The following NRK variants were observed in gnomAD, a reference collection of about 807,000 sequenced individuals.
The protein encoded by NRK is nik-related protein kinase.
Under a neutral mutation model 125.2 loss-of-function variants are expected in NRK, and 67 were observed. The observed-to-expected ratio is 0.54, with a 90% CI of 0.44 to 0.66. The LOEUF is 0.66. Ranked by LOEUF, NRK falls within the 30% of genes least tolerant of loss-of-function variation. The probability of loss-of-function intolerance (pLI) is 0.00; values close to 1 mark genes in which losing one functional copy is unlikely to be tolerated. For synonymous variants in NRK, 458 were observed against 429.0 expected, an observed-to-expected ratio of 1.07 and a Z score of -0.84; for missense variants, 1,224 against 1,192.9, an observed-to-expected ratio of 1.03 and a Z score of -0.38.
In NRK at chrX:105,870,311, G is replaced by A. The variant is rs747326876; in HGVS notation, c.124-9888G>A. Among the ~76,000 whole-genome samples the A allele has an allele frequency of 4.5e-5, 5 of 111,444 alleles. No homozygotes were observed. In the South Asian group the frequency reaches 1.9e-3, roughly 42 times the overall value. The stretch of plus-strand genomic sequence containing the variant: ...TATCAGAGGGTTTGAAATAGTGTGG[G>A]CCCTAGTCTCATGGAGTTCCTATGT... On this transcript the variant is annotated intron_variant, in intron 2 of 28. Coordinates refer to ENST00000243300, the MANE Select transcript of NRK (RefSeq NM_198465.4).
At chrX:105,894,515 A>G (rs1263807887) in intron 6 of NRK, among the ~76,000 whole-genome samples, 7 of 112,119 alleles carry the variant, frequency 6.2e-5, no homozygotes, top group Non-Finnish European at 1.3e-4. Context: ...ATTGAACAGT[A>G]CTACTCATAC....
At chrX:105,902,258 C>T (rs945933930) in intron 9 of NRK, among the ~76,000 whole-genome samples, 5 of 111,253 alleles carry the variant, frequency 4.5e-5, no homozygotes, top group African/African-American at 1.6e-4. Flanking sequence ...AGATTTGGAA[C>T]TCACAAAGGG....
At chrX:105,947,502 A>G (rs1324086632) in intron 26 of NRK, among the ~76,000 whole-genome samples, 1 of 110,873 alleles carries the variant, frequency 9.0e-6, no homozygotes, top group Non-Finnish European at 1.9e-5. Flanking sequence ...ATAGATTGTC[A>G]TAAAAATATT....
chrX:105,927,544 T>C (rs1432311086), intron 19 of NRK, among the ~76,000 whole-genome samples: 1 of 111,478 alleles, frequency 9.0e-6, no homozygotes, highest in Non-Finnish European at 1.9e-5. Context: ...GTGGATATTT[T>C]TGTCTTATTC....
In NRK at chrX:105,893,867, T is replaced by A. The variant is rs189014779; in HGVS notation, c.414T>A (p.Thr138=). The change falls in exon 6 of 29, where the codon ACT becomes ACA. Residue 138 remains threonine, a synonymous_variant. Transcript: ENST00000243300. ...VMELCAAGSV[T]DVVRMTSNQS... ...AGTTATGTGCAGCAGGTTCGGTCAC[T>A]GATGTAGTGAGAATGACCAGTAATC... 8.3e-7 allele frequency: 1 copy of A among 1,200,553 alleles called. No homozygotes were observed. Among genetic ancestry groups the A allele is most frequent in the Non-Finnish European group, 1.1e-6 (1 of 885,497 alleles).
intron 2 of NRK, among the ~76,000 whole-genome samples, chrX:105,853,130 G>A (rs143449452): frequency 6.3e-5 from 7 of 111,549 alleles, no homozygotes; most frequent in African/African-American, 2.3e-4. Context: ...ACTTTCACAT[G>A]TTAATTCCCT....
intron 2 of NRK, among the ~76,000 whole-genome samples, chrX:105,833,334 C>G (rs1358348145): frequency 1.8e-5 from 2 of 111,510 alleles, no homozygotes; most frequent in African/African-American, 6.5e-5. Flanking sequence ...AGTTTTGCCA[C>G]CTTATACATA....
intron 27 of NRK, among the ~76,000 whole-genome samples, chrX:105,952,196 G>C (rs899346074): frequency 8.9e-6 from 1 of 111,907 alleles, no homozygotes; most frequent in Non-Finnish European, 1.9e-5. Context: ...TTGTTTCCTA[G>C]ACTATTTTAA....
At position 105,894,390 on chromosome X, in the gene NRK, T is replaced by A. The variant is rs778568126; in HGVS notation, c.489+448T>A. Reference sequence around the variant, plus strand: ...TTTTCTTTGATTACTGCCCCCTTTTTAAATTTCTTTATTTTCCACACCCAG... The same window carrying A: ...TTTTCTTTGATTACTGCCCCCTTTTAAAATTTCTTTATTTTCCACACCCAG... On this transcript the variant is annotated intron_variant, in intron 6 of 28. Coordinates refer to ENST00000243300, the MANE Select transcript of NRK (RefSeq NM_198465.4). Among the ~76,000 whole-genome samples, 128 of 112,067 alleles carry A rather than the reference T, an allele frequency of 1.1e-3. 1 individual carries two copies. Among genetic ancestry groups the A allele is most frequent in the African/African-American group, 4.0e-3 (124 of 30,919 alleles).
intron 26 of NRK, among the ~76,000 whole-genome samples, 196 bp from the exon 27 acceptor site, chrX:105,949,379 G>A (rs1469122529): frequency 8.9e-6 from 1 of 111,810 alleles, no homozygotes; most frequent in East Asian, 2.8e-4. Flanking sequence ...ATATTTAACA[G>A]TTATGAATTT....
intron 3 of NRK, among the ~76,000 whole-genome samples, 162 bp from the exon 4 acceptor site, chrX:105,881,546 A>G (rs1277269981): frequency 1.8e-5 from 2 of 112,077 alleles, no homozygotes; most frequent in African/African-American, 6.5e-5. Flanking sequence ...TCTGTATGTC[A>G]TAAGAATTTG....
rs1337236245 is a variant in NRK, at chrX:105,923,228, G to A, written c.2721G>A (p.Pro907=). 1.2e-5 allele frequency: 15 copies of A among 1,207,036 alleles called. No individual in the cohort carries two copies. The highest frequency in any genetic ancestry group is 4.4e-5 in the Admixed American group (2 of 45,432). The change falls in exon 18 of 29, where the codon CCG becomes CCA. Residue 907 remains proline, a synonymous_variant. Transcript: ENST00000243300. Reference sequence around the variant, plus strand: ...TCTTCCGGAATGATTGGTTAACTCCGGCACCTGTCATTCAGCCACCTGAAG... The same window carrying A: ...TCTTCCGGAATGATTGGTTAACTCCAGCACCTGTCATTCAGCCACCTGAAG... ...SEIFRNDWLT[P]APVIQPPEED...
At chrX:105,952,723 A>G (rs1366139084) in intron 27 of NRK, among the ~76,000 whole-genome samples, 2 of 111,987 alleles carry the variant, frequency 1.8e-5, no homozygotes, top group South Asian at 3.7e-4. Flanking sequence ...GTAGATCACA[A>G]TGTCTACAAA....
rs376557123 is a variant in NRK, at chrX:105,905,386, A to G, written c.845+43A>G. 1.1e-5 allele frequency: 10 copies of G among 945,002 alleles called. No individual in the cohort carries two copies. The African/African-American group carries it at 1.3e-4, about 13-fold the overall frequency. 77.9% of individuals were successfully genotyped at this position (945,002 alleles called of 1,213,427 possible). ...AATCTCCTAATTACATTGACTTGAC[A>G]TTTTTATGTTAGCAAAGAAGTTTTA... On this transcript the variant is annotated intron_variant, in intron 10 of 28. Coordinates refer to ENST00000243300, the MANE Select transcript of NRK (RefSeq NM_198465.4).
chrX:105,876,738 A>G (rs1199060293), intron 2 of NRK, among the ~76,000 whole-genome samples: 1 of 112,018 alleles, frequency 8.9e-6, no homozygotes, highest in African/African-American at 3.2e-5. Context: ...TAAAACTCAC[A>G]TTCTAACTGA....
chrX:105,836,927 A>G (rs1455524123), intron 2 of NRK, among the ~76,000 whole-genome samples: 1 of 112,414 alleles, frequency 8.9e-6, no homozygotes, highest in African/African-American at 3.2e-5. Context: ...TACCTGTTAA[A>G]CGGCAGTTAT....
At chrX:105,901,241 C>T (rs2040153740) in intron 9 of NRK, among the ~76,000 whole-genome samples, 1 of 110,232 alleles carries the variant, frequency 9.1e-6, no homozygotes, top group Non-Finnish European at 1.9e-5. Flanking sequence ...CTTCTTTTCT[C>T]TACCTCCCCA....
chrX:105,899,077 G>C (rs1271789725), intron 8 of NRK, among the ~76,000 whole-genome samples: 1 of 111,453 alleles, frequency 9.0e-6, no homozygotes, highest in Non-Finnish European at 1.9e-5. Context: ...TAAATGTAAA[G>C]CCAATTATTA....
chrX:105,862,405 T>C (rs2039614746), intron 2 of NRK, among the ~76,000 whole-genome samples: 1 of 109,858 alleles, frequency 9.1e-6, no homozygotes, highest in Admixed American at 9.7e-5. Context: ...TGTTAGCCAC[T>C]AAAATTTCCA....
Sources: allele counts gnomAD v4.1 joint callset (sites outside exome capture counted in the v4.1 genomes callset), GRCh38; gene constraint gnomAD v4.1.1; transcripts MANE v1.5; gene names NCBI Gene and HGNC (gene_info 2026-07-23, HGNC 2026-07-21).